The following DTWD2 variants were observed in gnomAD, a reference collection of about 807,000 sequenced individuals.
DTWD2 encodes the protein tRNA-uridine aminocarboxypropyltransferase 2.
DTWD2 carries 39 observed loss-of-function variants against 31.8 expected under a neutral mutation model. That is an observed-to-expected ratio of 1.22 (90% CI 0.95 to 1.60). DTWD2 has a LOEUF of 1.60. DTWD2 is among the 40% of genes most tolerant of loss of function. The probability of loss-of-function intolerance (pLI) is 0.00; values close to 1 mark genes in which losing one functional copy is unlikely to be tolerated. For synonymous variants in DTWD2, 180 were observed against 142.8 expected, an observed-to-expected ratio of 1.26 and a Z score of -1.86; for missense variants, 515 against 381.5, an observed-to-expected ratio of 1.35 and a Z score of -2.92.
intron 4 of DTWD2, among the ~76,000 whole-genome samples, chr5:118,881,577 T>G (rs986424898): frequency 1.1e-4 from 17 of 152,190 alleles, no homozygotes; most frequent in Admixed American, 1.0e-3. Flanking sequence ...ATAAAGATAC[T>G]ACCTGAGACT....
At chr5:118,945,774 A>AAAAAAG (rs1336464124) in intron 1 of DTWD2, among the ~76,000 whole-genome samples, 1 of 134,262 alleles carries the variant, frequency 7.4e-6, no homozygotes. Context: ...CAAAAAAAAA[A>AAAAAAG]AAAGAAAGAA....
intron 4 of DTWD2, among the ~76,000 whole-genome samples, chr5:118,872,115 A>G (rs558829958): frequency 4.7e-4 from 71 of 152,274 alleles, no homozygotes; most frequent in African/African-American, 1.6e-3. Context: ...ACCTCTCTCA[A>G]TCTTAACAGA....
intron 4 of DTWD2, among the ~76,000 whole-genome samples, chr5:118,889,349 T>C (rs1752931641): frequency 1.3e-5 from 2 of 152,104 alleles, no homozygotes; most frequent in Admixed American, 1.3e-4. Flanking sequence ...GAAAAACAAA[T>C]GGCTAAGGCA....
rs1339415983 is a variant in DTWD2, at chr5:118,912,990, T to TA, written c.597+15546dup. Among the ~76,000 whole-genome samples, 8 of 152,292 alleles carry TA rather than the reference T, an allele frequency of 5.3e-5. No individual in the cohort carries two copies. The East Asian group carries it at 1.5e-3, about 29-fold the overall frequency. ...AACGAAAGTCAACACTCGGTGCTGA[T>TA]AGTTTGCAGGTATAGTTAGGGCTCA... On this transcript the variant is annotated intron_variant, in intron 4 of 5. Coordinates refer to ENST00000510708, the MANE Select transcript of DTWD2 (RefSeq NM_173666.4).
At chr5:118,973,660 AGCCTCCTTGCTCGCC>A (rs1755049811) in intron 1 of DTWD2, 8 of 874,438 alleles carry the variant, frequency 9.1e-6, no homozygotes, top group African/African-American at 5.0e-5. Context: ...TGCTCGCGGC[AGCCTCCTTGCTCGCC>A]GCAGCCGCCT....
intron 1 of DTWD2, among the ~76,000 whole-genome samples, chr5:118,961,660 T>C (rs904045335): frequency 6.6e-6 from 1 of 152,208 alleles, no homozygotes; most frequent in African/African-American, 2.4e-5. Context: ...GAATCAAAGA[T>C]TAAAGTAAAG....
chr5:118,972,113 A>C (rs951465182), intron 1 of DTWD2, among the ~76,000 whole-genome samples: 5 of 152,206 alleles, frequency 3.3e-5, no homozygotes, highest in African/African-American at 1.2e-4. Flanking sequence ...ACAAGAAATA[A>C]CCAAGATCAG....
chr5:118,923,331 G>A (rs893433022), intron 4 of DTWD2, among the ~76,000 whole-genome samples: 2 of 152,138 alleles, frequency 1.3e-5, no homozygotes, highest in African/African-American at 4.8e-5. Flanking sequence ...ATGATCCACA[G>A]CTACTAACAT....
intron 4 of DTWD2, among the ~76,000 whole-genome samples, chr5:118,900,351 T>C (rs569122331): frequency 3.9e-5 from 6 of 152,232 alleles, no homozygotes; most frequent in Non-Finnish European, 8.8e-5. Context: ...AATGCAAATA[T>C]TAAAAAAAGC....
chr5:118,877,798 C>G (rs554262156), intron 4 of DTWD2, among the ~76,000 whole-genome samples: 1 of 152,266 alleles, frequency 6.6e-6, no homozygotes, highest in South Asian at 2.1e-4. Flanking sequence ...TAGAAAACCC[C>G]AGAGTCTCAT....
intron 4 of DTWD2, among the ~76,000 whole-genome samples, chr5:118,849,723 G>T (rs1004764758): frequency 1.3e-5 from 2 of 152,152 alleles, no homozygotes; most frequent in African/African-American, 4.8e-5. Flanking sequence ...CAAGTCCTTT[G>T]CAGGGACATG....
rs559090480 is a variant in DTWD2, at chr5:118,942,570, G to A, written c.309+1989C>T. On this transcript the variant is annotated intron_variant, in intron 2 of 5. Transcript: ENST00000510708. ...CACGCCCGTAATCCTAGCACTGTGG[G>A]AGGCTGAGGCAGGAGGATCACTCGA... Among the ~76,000 whole-genome samples, 4 of 151,796 alleles carry A rather than the reference G, an allele frequency of 2.6e-5. No individual in the cohort carries two copies. The East Asian group carries it at 7.8e-4, about 30-fold the overall frequency.
chr5:118,986,135 T>A (rs1047796930), intron 1 of DTWD2, among the ~76,000 whole-genome samples: 1 of 152,136 alleles, frequency 6.6e-6, no homozygotes, highest in Non-Finnish European at 1.5e-5. Flanking sequence ...TCTTATGTTA[T>A]CTCAAATAAT....
chr5:118,953,570 G>A (rs1018019660), intron 1 of DTWD2, among the ~76,000 whole-genome samples: 11 of 152,162 alleles, frequency 7.2e-5, no homozygotes, highest in African/African-American at 2.7e-4. Flanking sequence ...ATGGACTAGA[G>A]ACCTATAAAG....
intron 4 of DTWD2, among the ~76,000 whole-genome samples, chr5:118,877,679 C>T (rs1233033361): frequency 1.3e-5 from 2 of 151,978 alleles, no homozygotes; most frequent in African/African-American, 4.8e-5. Context: ...TATTTGACGT[C>T]CAGGCCAGGA....
At chr5:118,884,221 C>T (rs1002982132) in intron 4 of DTWD2, among the ~76,000 whole-genome samples, 11 of 152,146 alleles carry the variant, frequency 7.2e-5, no homozygotes, top group African/African-American at 2.7e-4. Flanking sequence ...TACATACATA[C>T]ATGTAGTTCC....
chr5:118,880,020 A>T (rs1561438634), intron 4 of DTWD2, among the ~76,000 whole-genome samples: 1 of 152,224 alleles, frequency 6.6e-6, no homozygotes, highest in South Asian at 2.1e-4. Context: ...ACAATACAAA[A>T]GTGGTATGCC....
At chr5:118,922,150 G>A (rs1052854657) in intron 4 of DTWD2, among the ~76,000 whole-genome samples, 1 of 152,084 alleles carries the variant, frequency 6.6e-6, no homozygotes, top group Non-Finnish European at 1.5e-5. Flanking sequence ...AAATTCCTGT[G>A]GGAAAGAGAT....
chr5:118,975,276 A>C (rs572959680), intron 1 of DTWD2, among the ~76,000 whole-genome samples: 1 of 151,752 alleles, frequency 6.6e-6, no homozygotes, highest in Non-Finnish European at 1.5e-5. Context: ...CATTGAGTTT[A>C]TCTTCAATTT....
Sources: allele counts gnomAD v4.1 joint callset (sites outside exome capture counted in the v4.1 genomes callset), GRCh38; gene constraint gnomAD v4.1.1; transcripts MANE v1.5; gene names NCBI Gene and HGNC (gene_info 2026-07-23, HGNC 2026-07-21).